VXN: variants seen among roughly 807,000 people sequenced by gnomAD.
VXN encodes uncharacterized protein C8orf46.
VXN carries 7 observed loss-of-function variants against 23.1 expected under a neutral mutation model. The ratio of observed to expected loss-of-function variants is 0.30; its 90% CI spans 0.17 to 0.57. The LOEUF is 0.57. Ranked by LOEUF, VXN falls within the 20% of genes least tolerant of loss-of-function variation. VXN has a pLI of 0.91. For synonymous variants in VXN, 120 were observed against 105.8 expected (o/e 1.13, Z -0.83); for missense variants, 238 against 272.6 (o/e 0.87, Z 0.89).
chr8:66,499,316 T>C lies in VXN; in HGVS notation c.126+2824T>C, dbSNP rs531278539. 2.6e-4 allele frequency among the ~76,000 whole-genome samples: 37 copies of C among 144,224 alleles called. 1 individual carries two copies. The South Asian group carries it at 8.4e-3, about 33-fold the overall frequency. 94.6% of individuals were successfully genotyped at this position (144,224 alleles called of 152,430 possible). The stretch of plus-strand genomic sequence containing the variant: ...GGCGTGGTCTCGGCTCACCACAGTC[T>C]CAACCCCCTGGGCTCAAGTGATCCT... On this transcript the variant is annotated intron_variant, in intron 2 of 5. Transcript: ENST00000305454.
At chr8:66,509,802 C>T (rs1476340128) in intron 3 of VXN, among the ~76,000 whole-genome samples, 4 of 152,038 alleles carry the variant, frequency 2.6e-5, no homozygotes, top group African/African-American at 9.7e-5. Context: ...CTCCTGCCCC[C>T]TCATACAAGC....
intron 4 of VXN, among the ~76,000 whole-genome samples, chr8:66,511,233 A>G (rs1374315962): frequency 1.3e-5 from 2 of 152,122 alleles, no homozygotes; most frequent in East Asian, 3.9e-4. Flanking sequence ...CCTCTTGGTT[A>G]GCAGAGTCAG....
chr8:66,496,522 G>C, intron 2 of VXN, 30 bp downstream of exon 2: 3 of 1,606,408 alleles, frequency 1.9e-6, no homozygotes, highest in Non-Finnish European at 2.6e-6. Context: ...GATGTTCTTT[G>C]GTTGACTTTC....
chr8:66,509,720 T>C (rs1215875668), intron 3 of VXN, among the ~76,000 whole-genome samples: 1 of 152,202 alleles, frequency 6.6e-6, no homozygotes, highest in Non-Finnish European at 1.5e-5. Flanking sequence ...TATTTTTAAA[T>C]AGACTTTATT....
chr8:66,503,235 C>T lies in VXN; in HGVS notation c.127-2140C>T, dbSNP rs1190380223. 2.0e-5 allele frequency among the ~76,000 whole-genome samples: 3 copies of T among 152,228 alleles called. No individual in the cohort carries two copies. The East Asian group carries it at 5.8e-4, about 29-fold the overall frequency. The stretch of plus-strand genomic sequence containing the variant: ...GTTCTCATCCTGGCTCTGTCCCTTA[C>T]AGTTCTGTGGTCTTGAGTAAGACAC... On this transcript the variant is annotated intron_variant, in intron 2 of 5. Coordinates refer to ENST00000305454, the MANE Select transcript of VXN (RefSeq NM_152765.4).
intron 5 of VXN, among the ~76,000 whole-genome samples, chr8:66,514,471 C>T (rs1771875699): frequency 6.6e-6 from 1 of 152,158 alleles, no homozygotes; most frequent in Admixed American, 6.5e-5. Flanking sequence ...GGGTCTCACT[C>T]TGTCGCCAGG....
chr8:66,498,452 CT>C, intron 2 of VXN, among the ~76,000 whole-genome samples: 1 of 152,052 alleles, frequency 6.6e-6, no homozygotes, highest in Non-Finnish European at 1.5e-5. Context: ...AATGTATTAC[CT>C]TTTTATTTCC....
chr8:66,509,628 GGGAA>G lies in VXN; in HGVS notation c.281-458_281-455del, dbSNP rs150400148. Among the ~76,000 whole-genome samples, 772 of 152,306 alleles carry G rather than the reference GGGAA, an allele frequency of 5.1e-3. 1 individual carries two copies. Among genetic ancestry groups the G allele is most frequent in the Non-Finnish European group, 8.9e-3 (604 of 68,024 alleles). ...TTAATCTCTTGTGATCTGAGGCCTT[GGGAA>G]GGAAGGAAGAGCTGAAGGCACATTC... On this transcript the variant is annotated intron_variant, in intron 3 of 5. Coordinates refer to ENST00000305454, the MANE Select transcript of VXN (RefSeq NM_152765.4).
intron 4 of VXN, among the ~76,000 whole-genome samples, chr8:66,512,405 G>A (rs1484135255): frequency 2.0e-5 from 3 of 152,216 alleles, no homozygotes; most frequent in Middle Eastern, 3.2e-3. Context: ...GCTTGGGATG[G>A]GAGGAGGGGT....
In VXN at chr8:66,517,883, G is replaced by C. The variant is rs1807915458; in HGVS notation, c.*1807G>C. On this transcript the variant is annotated 3_prime_UTR_variant, in exon 6 of 6. Transcript: ENST00000305454. ...CTCTGTGCCTATGTCTTGCTTTTTTGCTGAGTTCCCTATTTCCATATCTCC... is the reference window on the plus strand; with the variant it reads ...CTCTGTGCCTATGTCTTGCTTTTTTCCTGAGTTCCCTATTTCCATATCTCC... The C allele has an allele frequency of 1.3e-5, 2 of 152,186 alleles. No homozygotes were observed. The highest frequency in any genetic ancestry group is 1.3e-4 in the Admixed American group (2 of 15,280). 9.4% of individuals were successfully genotyped at this position (152,186 alleles called of 1,614,324 possible). A position where few individuals can be genotyped will look rare whatever the true frequency, so the allele number is the denominator to read the frequency against.
intron 2 of VXN, among the ~76,000 whole-genome samples, chr8:66,498,605 T>TTGTG (rs149331151): frequency 2.6e-5 from 4 of 151,110 alleles, no homozygotes; most frequent in African/African-American, 9.7e-5. Context: ...TTTAAATCTT[T>TTGTG]TGTGTGTGTG....
At chr8:66,506,112 C>T (rs1372706540) in intron 3 of VXN, among the ~76,000 whole-genome samples, 1 of 152,028 alleles carries the variant, frequency 6.6e-6, no homozygotes, top group African/African-American at 2.4e-5. Flanking sequence ...CCACAGGAGG[C>T]CCTACTGTAT....
intron 2 of VXN, among the ~76,000 whole-genome samples, chr8:66,499,680 C>T (rs1166112703): frequency 2.0e-5 from 3 of 151,980 alleles, no homozygotes; most frequent in Non-Finnish European, 2.9e-5. Context: ...CTCAGCCTCC[C>T]GAGTAGCTGG....
At chr8:66,509,046 T>TA (rs1436504776) in intron 3 of VXN, among the ~76,000 whole-genome samples, 1 of 152,258 alleles carries the variant, frequency 6.6e-6, no homozygotes, top group Non-Finnish European at 1.5e-5. Flanking sequence ...ATAATACTTT[T>TA]ACGGTTTATG....
intron 4 of VXN, among the ~76,000 whole-genome samples, chr8:66,510,813 C>T (rs570468723): frequency 1.7e-4 from 26 of 152,300 alleles, no homozygotes; most frequent in African/African-American, 6.0e-4. Flanking sequence ...TATAAGGGCA[C>T]TGATCTTATC....
intron 2 of VXN, among the ~76,000 whole-genome samples, chr8:66,502,662 G>C (rs1017050551): frequency 2.5e-4 from 38 of 152,068 alleles, no homozygotes; most frequent in African/African-American, 9.2e-4. Context: ...CAGGAGAATT[G>C]CCTGAACCCA....
intron 2 of VXN, chr8:66,505,094 C>A: frequency 1.8e-6 from 1 of 549,406 alleles, no homozygotes; most frequent in South Asian, 1.8e-5. Flanking sequence ...AGGCTCCTGA[C>A]CCTGTGAAGG....
intron 2 of VXN, chr8:66,498,925 A>T (rs1807657630): frequency 2.5e-6 from 1 of 404,998 alleles, no homozygotes; most frequent in Non-Finnish European, 5.0e-6. Context: ...TTAGGTATGT[A>T]GACTTCAGAG....
chr8:66,509,914 C>A (rs1330130561), intron 3 of VXN, among the ~76,000 whole-genome samples, 182 bp from the exon 4 acceptor site: 1 of 152,156 alleles, frequency 6.6e-6, no homozygotes, highest in Non-Finnish European at 1.5e-5. Flanking sequence ...AGTTCCAGCT[C>A]CCCTAGAAGA....
Sources: gnomAD v4.1 joint callset for allele counts (sites outside exome capture counted in the v4.1 genomes callset) on GRCh38, gnomAD v4.1.1 for gene constraint, MANE v1.5 for transcripts, NCBI Gene and HGNC (gene_info 2026-07-23, HGNC 2026-07-21) for gene names.